FHL2: variants seen among roughly 807,000 people sequenced by gnomAD.
The protein encoded by FHL2 is four and a half LIM domains protein 2.
A neutral mutation model predicts 32.7 loss-of-function variants in FHL2; 20 were observed. The ratio of observed to expected loss-of-function variants is 0.61; its 90% CI spans 0.43 to 0.89. FHL2 has a LOEUF of 0.89. Ranked by LOEUF, FHL2 falls within the 40% of genes least tolerant of loss-of-function variation. FHL2 has a pLI of 0.00. For synonymous variants in FHL2, 123 were observed against 128.1 expected (o/e 0.96, Z 0.27); for missense variants, 311 against 358.6 (o/e 0.87, Z 1.07).
intron 3 of FHL2, among the ~76,000 whole-genome samples, chr2:105,374,934 G>C (rs71417349): frequency 8.8e-4 from 134 of 152,204 alleles, no homozygotes; most frequent in Non-Finnish European, 1.6e-3. Flanking sequence ...ATCCTGAACA[G>C]GGCACAGGAG....
chr2:105,435,715 G>T (rs1181631765), intron 1 of FHL2, among the ~76,000 whole-genome samples: 1 of 152,090 alleles, frequency 6.6e-6, no homozygotes, highest in African/African-American at 2.4e-5. Flanking sequence ...CCAGCTACTC[G>T]GGAGGCTGAG....
intron 1 of FHL2, among the ~76,000 whole-genome samples, chr2:105,416,043 C>T (rs934710159): frequency 1.3e-5 from 2 of 152,196 alleles, no homozygotes; most frequent in Non-Finnish European, 2.9e-5. Flanking sequence ...AAGAGTGCCT[C>T]AAAGAGTACA....
intron 1 of FHL2, among the ~76,000 whole-genome samples, chr2:105,432,476 C>T (rs1684468936): frequency 6.6e-6 from 1 of 152,216 alleles, no homozygotes; most frequent in Admixed American, 6.5e-5. Flanking sequence ...AGACTATCCT[C>T]TCTCACCTGC....
intron 1 of FHL2, among the ~76,000 whole-genome samples, chr2:105,415,299 G>T (rs1179523899): frequency 6.6e-6 from 1 of 152,186 alleles, no homozygotes; most frequent in Non-Finnish European, 1.5e-5. Flanking sequence ...AAGGATGTGT[G>T]GCTATTATAC....
intron 2 of FHL2, among the ~76,000 whole-genome samples, chr2:105,388,531 A>G (rs1039409587): frequency 1.3e-5 from 2 of 152,100 alleles, no homozygotes; most frequent in Non-Finnish European, 2.9e-5. Context: ...GTTCTTAAAT[A>G]GGTACACTGG....
At chr2:105,422,339 A>C (rs1300025271) in intron 1 of FHL2, among the ~76,000 whole-genome samples, 1 of 152,162 alleles carries the variant, frequency 6.6e-6, no homozygotes, top group East Asian at 1.9e-4. Context: ...ATGGAGGTGC[A>C]TGTCATGTGC....
intron 1 of FHL2, among the ~76,000 whole-genome samples, chr2:105,397,288 T>A (rs1683208314): frequency 6.6e-6 from 1 of 152,200 alleles, no homozygotes; most frequent in African/African-American, 2.4e-5. Flanking sequence ...GAGTTAAAGT[T>A]ACTTTGATCT....
intron 3 of FHL2, chr2:105,378,399 A>G (rs1681635773): frequency 2.9e-6 from 1 of 347,642 alleles, no homozygotes; most frequent in South Asian, 2.2e-5. Context: ...TGAAGGCCGC[A>G]TTCTCTCAGG....
chr2:105,396,309 C>T (rs1456587914), intron 2 of FHL2, among the ~76,000 whole-genome samples: 4 of 152,148 alleles, frequency 2.6e-5, no homozygotes, highest in Non-Finnish European at 4.4e-5. Flanking sequence ...CAAGAAGAGC[C>T]GATGTTTCAG....
At chr2:105,392,083 A>G (rs1424258668) in intron 2 of FHL2, among the ~76,000 whole-genome samples, 1 of 152,180 alleles carries the variant, frequency 6.6e-6, no homozygotes, top group Non-Finnish European at 1.5e-5. Flanking sequence ...GGGAACTGCA[A>G]TGGGTGAGGC....
chr2:105,368,507 G>A (rs371498246), intron 4 of FHL2, among the ~76,000 whole-genome samples: 8 of 152,120 alleles, frequency 5.3e-5, no homozygotes, highest in African/African-American at 1.7e-4. Context: ...ATCTTCATGT[G>A]TTACTTGTAC....
chr2:105,380,756 C>T (rs930969621), intron 3 of FHL2, among the ~76,000 whole-genome samples: 13 of 152,092 alleles, frequency 8.5e-5, no homozygotes, highest in Admixed American at 2.6e-4. Context: ...TTTTAAATTC[C>T]TCTAGAGAGA....
chr2:105,361,286 G>A lies in FHL2; in HGVS notation c.837C>T (p.Ile279=), dbSNP rs1680234351. 6 of 1,612,060 alleles carry A rather than the reference G, an allele frequency of 3.7e-6. No homozygotes were observed. The highest frequency in any genetic ancestry group is 1.7e-5 in the Admixed American group (1 of 59,564). ...DILCPDCGKD[I] is the part of the protein sequence containing the mutation. ...CAGCAACTTCTCTGTGTTGAATTCA[G>A]ATGTCTTTCCCACAGTCGGGGCACA... The change falls in exon 7 of 7, where the codon ATC becomes ATT. Residue 279 remains isoleucine (I), a synonymous_variant. Transcript: ENST00000530340.
chr2:105,413,072 CGTGTGACTG>C (rs1683843300), intron 1 of FHL2, among the ~76,000 whole-genome samples: 1 of 152,158 alleles, frequency 6.6e-6, no homozygotes, highest in South Asian at 2.1e-4. Flanking sequence ...ATGAGGACAG[CGTGTGACTG>C]GTGTGACTGC....
intron 2 of FHL2, among the ~76,000 whole-genome samples, chr2:105,392,836 T>C (rs1225286899): frequency 8.4e-5 from 7 of 83,520 alleles, no homozygotes; most frequent in South Asian, 3.9e-4. Context: ...TTTTTTTTTT[T>C]CTTGAGACAG....
chr2:105,371,211 G>T (rs1681037031), intron 4 of FHL2, among the ~76,000 whole-genome samples: 1 of 152,174 alleles, frequency 6.6e-6, no homozygotes, highest in Admixed American at 6.5e-5. Flanking sequence ...CAAAAAACAG[G>T]TTTACTTGTT....
intron 3 of FHL2, among the ~76,000 whole-genome samples, chr2:105,384,638 G>C (rs1682160002): frequency 6.6e-6 from 1 of 152,180 alleles, no homozygotes; most frequent in African/African-American, 2.4e-5. Context: ...CTCTCAAGTA[G>C]CTGGGATTAC....
At chr2:105,363,212 G>T (rs1680395865) in intron 6 of FHL2, 73 bp downstream of exon 6, 5 of 1,475,170 alleles carry the variant, frequency 3.4e-6, no homozygotes, top group South Asian at 1.2e-5. Flanking sequence ...TATAGACAGG[G>T]TCACAGGCTA....
chr2:105,415,177 G>A (rs1331219994), intron 1 of FHL2, among the ~76,000 whole-genome samples: 1 of 152,206 alleles, frequency 6.6e-6, no homozygotes, highest in Non-Finnish European at 1.5e-5. Flanking sequence ...GCGCTACACC[G>A]CTATAAATAG....
Sources: gnomAD v4.1 joint callset for allele counts (sites outside exome capture counted in the v4.1 genomes callset) on GRCh38, gnomAD v4.1.1 for gene constraint, MANE v1.5 for transcripts, NCBI Gene and HGNC (gene_info 2026-07-23, HGNC 2026-07-21) for gene names.